ADAMTS19: variants seen among roughly 807,000 people sequenced by gnomAD.
The protein encoded by ADAMTS19 is A disintegrin and metalloproteinase with thrombospondin motifs 19.
In ADAMTS19, 93 loss-of-function variants were observed where a neutral mutation model predicts 153.3. That is an observed-to-expected ratio of 0.61 (90% CI 0.51 to 0.72). The LOEUF is 0.72. Among genes scored for constraint, ADAMTS19 ranks in the 30% least tolerant of loss-of-function variants. ADAMTS19 has a pLI of 0.00. For missense variants in ADAMTS19, 1,482 were observed against 1,552.1 expected (o/e 0.95, Z 0.76); for synonymous variants, 600 against 556.6 (o/e 1.08, Z -1.10).
chr5:129,550,910 TA>T (rs1247924958), intron 6 of ADAMTS19, among the ~76,000 whole-genome samples: 3 of 151,444 alleles, frequency 2.0e-5, no homozygotes, highest in Non-Finnish European at 4.4e-5. Context: ...ATAGCAGCAA[TA>T]AAAAAAATCC....
chr5:129,705,292 G>C (rs755359382), intron 21 of ADAMTS19, among the ~76,000 whole-genome samples: 1 of 152,158 alleles, frequency 6.6e-6, no homozygotes, highest in Non-Finnish European at 1.5e-5. Context: ...GGGGTATGGA[G>C]AGGAGTATAA....
intron 15 of ADAMTS19, among the ~76,000 whole-genome samples, chr5:129,663,567 T>C (rs1753911370): frequency 6.6e-6 from 1 of 152,236 alleles, no homozygotes; most frequent in Non-Finnish European, 1.5e-5. Flanking sequence ...ATATTTATTA[T>C]ACCCACTTTC....
At position 129,596,559 on chromosome 5, in the gene ADAMTS19, G is replaced by A. The variant is rs1296257849; in HGVS notation, c.1373G>A (p.Gly458Asp). The part of the protein sequence containing the change: ...VHKDEPCDTV[G>D]IAYLSGMCSE... ...AATAATTAATGTTTGTATTTTTTAG[G>A]TATAGCTTACTTGAGTGGAATGTGT... The change falls in exon 8 of 23, where the codon GGT becomes GAT. Residue 458 changes from glycine to aspartate, a missense_variant and splice_region_variant. Physicochemically the swap from Gly to Asp is moderately conservative, Grantham distance 94. This residue lies in a region of ADAMTS19 where 866 missense variants were observed against 827.7 expected (regional missense o/e 1.05). Coordinates refer to ENST00000274487, the MANE Select transcript of ADAMTS19 (RefSeq NM_133638.6). The A allele has an allele frequency of 6.3e-7, 1 of 1,576,684 alleles. No individual in the cohort carries two copies. The highest frequency in any genetic ancestry group is 1.8e-5 in the Admixed American group (1 of 56,954).
intron 2 of ADAMTS19, among the ~76,000 whole-genome samples, chr5:129,474,418 C>G (rs1750160633): frequency 2.0e-5 from 3 of 151,882 alleles, no homozygotes; most frequent in Non-Finnish European, 4.4e-5. Flanking sequence ...AGGTAGATAC[C>G]TAGGACTGCA....
At chr5:129,679,642 A>T in intron 16 of ADAMTS19, 122 bp from the exon 17 acceptor site, 1 of 909,706 alleles carries the variant, frequency 1.1e-6, no homozygotes, top group Non-Finnish European at 1.6e-6. Flanking sequence ...GTTTTACATC[A>T]GGGAATGTTG....
At chr5:129,664,587 C>T (rs182282811) in intron 15 of ADAMTS19, among the ~76,000 whole-genome samples, 152 of 152,172 alleles carry the variant, frequency 1.0e-3, no homozygotes, top group Non-Finnish European at 1.8e-3. Context: ...AATAACTCAA[C>T]AGTCTCGGGA....
chr5:129,523,297 A>T (rs2126755410), intron 3 of ADAMTS19, among the ~76,000 whole-genome samples: 1 of 152,318 alleles, frequency 6.6e-6, no homozygotes, highest in South Asian at 2.1e-4. Flanking sequence ...ACACAGTTAG[A>T]GACATACAGG....
intron 2 of ADAMTS19, among the ~76,000 whole-genome samples, chr5:129,481,148 C>T (rs2126670577): frequency 6.6e-6 from 1 of 152,254 alleles, no homozygotes; most frequent in African/African-American, 2.4e-5. Flanking sequence ...GTTTAATTGA[C>T]TCACGGTTCA....
rs1756034564 is a variant in ADAMTS19, at chr5:129,704,125, C to T, written c.3160-114C>T. ...ACTTATTATTTATAATTTTATCTGG[C>T]TTTTATGGGTGATGGGCTCATAACA... On this transcript the variant is annotated intron_variant, in intron 20 of 22. Transcript: ENST00000274487. 2.7e-6 allele frequency: 3 copies of T among 1,095,766 alleles called. No individual in the cohort carries two copies. The African/African-American group carries it at 4.8e-5, about 17-fold the overall frequency. The allele number at this position is 1,095,766 out of a possible 1,614,324, so 67.9% of individuals were successfully genotyped here. A position where few individuals can be genotyped will look rare whatever the true frequency, so the allele number is the denominator to read the frequency against.
chr5:129,619,717 A>G (rs1751690165), intron 8 of ADAMTS19, among the ~76,000 whole-genome samples: 1 of 151,946 alleles, frequency 6.6e-6, no homozygotes, highest in African/African-American at 2.4e-5. Flanking sequence ...GACTTTGTAT[A>G]TACTGTCATA....
intron 17 of ADAMTS19, among the ~76,000 whole-genome samples, chr5:129,682,873 A>G (rs1486082659): frequency 6.6e-6 from 1 of 152,156 alleles, no homozygotes; most frequent in Non-Finnish European, 1.5e-5. Context: ...CATTCTGTTG[A>G]TATACTGAAC....
Position 129,461,570 on chromosome 5 carries a change from G to T in ADAMTS19, c.560G>T (p.Arg187Leu). ...TCTCGGGACCTGTACCTGCTGCTCC[G>T]GAGAGACGGCCGCTTCCTGGCGCCG... Reference protein sequence around the residue: ...AFSRDLYLLLRRDGRFLAPRF... With the variant: ...AFSRDLYLLLLRDGRFLAPRF... The change falls in exon 2 of 23, where the codon CGG (arginine) becomes CTG (leucine). Residue 187 changes from arginine to leucine, a missense_variant. By Grantham distance (102) the Arg-to-Leu change is moderately radical (BLOSUM62 -2). Coordinates refer to ENST00000274487, the MANE Select transcript of ADAMTS19 (RefSeq NM_133638.6). The surrounding 1 kb of genome is among the most constrained non-coding windows in gnomAD (Gnocchi z 4.6). 1 of 1,560,636 alleles carries T rather than the reference G, an allele frequency of 6.4e-7. No homozygotes were observed. Among genetic ancestry groups the T allele is most frequent in the East Asian group, 2.4e-5 (1 of 41,612 alleles).
chr5:129,578,147 TG>T (rs1749286645), intron 7 of ADAMTS19, among the ~76,000 whole-genome samples: 1 of 124,638 alleles, frequency 8.0e-6, no homozygotes, highest in Non-Finnish European at 1.7e-5. Context: ...CCTATATGCA[TG>T]TATATGTACG....
intron 20 of ADAMTS19, 76 bp downstream of exon 20, chr5:129,701,668 C>A: frequency 6.8e-7 from 1 of 1,475,992 alleles, no homozygotes; most frequent in Admixed American, 2.2e-5. Flanking sequence ...GGATCATGTT[C>A]AGAATCTGCA....
At position 129,541,172 on chromosome 5, in the gene ADAMTS19, AT is replaced by A. The variant is rs201932816; in HGVS notation, c.1329-10677del. 6.1e-3 allele frequency among the ~76,000 whole-genome samples: 886 copies of A among 144,192 alleles called. 6 individuals carry two copies. The highest frequency in any genetic ancestry group is 0.012 in the African/African-American group (492 of 39,496). The allele number at this position is 144,192 out of a possible 152,430, so 94.6% of individuals were successfully genotyped here. A position where few individuals can be genotyped will look rare whatever the true frequency, so the allele number is the denominator to read the frequency against. ...TAGTGTTTCTGGATGAAATAACTAG[AT>A]TTTTTTTTTTTTTTGTAATGTGCTT... On this transcript the variant is annotated intron_variant, in intron 6 of 22. Transcript: ENST00000274487.
At chr5:129,579,655 T>TGG (rs1363500359) in intron 7 of ADAMTS19, among the ~76,000 whole-genome samples, 5 of 149,424 alleles carry the variant, frequency 3.3e-5, no homozygotes, top group Admixed American at 1.3e-4. Context: ...TTTTCTGCAT[T>TGG]CTAGCCAGTT....
At chr5:129,533,852 A>G (rs1752306028) in intron 6 of ADAMTS19, among the ~76,000 whole-genome samples, 1 of 150,932 alleles carries the variant, frequency 6.6e-6, no homozygotes, top group South Asian at 2.1e-4. Context: ...TTCGTTATGT[A>G]CCCAGTAGTC....
intron 6 of ADAMTS19, among the ~76,000 whole-genome samples, chr5:129,540,170 C>G (rs1360510853): frequency 6.6e-6 from 1 of 152,014 alleles, no homozygotes; most frequent in Non-Finnish European, 1.5e-5. Flanking sequence ...AGTAAATGCT[C>G]ATCGTAGATA....
chr5:129,461,142 GT>G lies in ADAMTS19; in HGVS notation c.135del (p.Pro46LeufsTer204). ...CCGACCGCGAGGAGTGGGAAGTCGT[GT>G]TTCCTGCGCTCTGGCGCCGGGAGCC... ...APDREEWEVVFPALWRREPVD... is the reference protein window; with the variant it reads ...APDREEWEVVXPALWRREPVD... On this transcript the variant is annotated frameshift_variant, in exon 2 of 23. Coordinates refer to ENST00000274487, the MANE Select transcript of ADAMTS19 (RefSeq NM_133638.6). LOFTEE classifies it high-confidence loss of function. This position sits in a 1 kb window ranked among gnomAD's most constrained non-coding sequence, Gnocchi z 4.6. The G allele has an allele frequency of 7.0e-7, 1 of 1,423,022 alleles. No homozygotes were observed. The allele number at this position is 1,423,022 out of a possible 1,614,324, so 88.1% of individuals were successfully genotyped here. A position where few individuals can be genotyped will look rare whatever the true frequency, so the allele number is the denominator to read the frequency against.
Sources: gnomAD v4.1 joint callset for allele counts (sites outside exome capture counted in the v4.1 genomes callset) on GRCh38, gnomAD v4.1.1 for gene constraint, gnomAD v4.1.1 regional missense constraint, Gnocchi (gnomAD v3.1) non-coding constraint, MANE v1.5 for transcripts, NCBI Gene and HGNC (gene_info 2026-07-23, HGNC 2026-07-21) for gene names.